RBFOX1: variants seen among roughly 807,000 people sequenced by gnomAD.
RBFOX1 encodes RNA binding fox-1 homolog 1.
RBFOX1 carries 8 observed loss-of-function variants against 57.7 expected under a neutral mutation model. The observed-to-expected ratio is 0.14, with a 90% CI of 0.08 to 0.25. The LOEUF (loss-of-function observed/expected upper bound fraction) is 0.25. Among genes scored for constraint, RBFOX1 ranks in the 10% least tolerant of loss-of-function variants. RBFOX1 has a pLI of 1.00. For missense variants in RBFOX1, 611 were observed against 548.5 expected, an observed-to-expected ratio of 1.11 and a Z score of -1.14; for synonymous variants, 326 against 222.4, an observed-to-expected ratio of 1.47 and a Z score of -4.15.
At chr16:7,240,933 C>G (rs887023839) in intron 4 of RBFOX1, among the ~76,000 whole-genome samples, 1 of 152,170 alleles carries the variant, frequency 6.6e-6, no homozygotes, top group African/African-American at 2.4e-5. Flanking sequence ...AACAGCAGCA[C>G]AAAAAGTTTC....
At chr16:6,972,375 C>T (rs533445913) in intron 3 of RBFOX1, among the ~76,000 whole-genome samples, 3 of 152,198 alleles carry the variant, frequency 2.0e-5, no homozygotes, top group Admixed American at 1.3e-4. Flanking sequence ...GCTTATATCA[C>T]TTAGCATAAT....
At chr16:6,794,521 A>G (rs2083576779) in intron 3 of RBFOX1, among the ~76,000 whole-genome samples, 1 of 152,118 alleles carries the variant, frequency 6.6e-6, no homozygotes, top group South Asian at 2.1e-4. Flanking sequence ...TGGTCATTTT[A>G]TAAGTTCCTA....
intron 3 of RBFOX1, among the ~76,000 whole-genome samples, chr16:5,677,580 A>G (rs140355775): frequency 2.0e-5 from 3 of 152,234 alleles, no homozygotes; most frequent in Admixed American, 1.3e-4. Context: ...TTAAACATTT[A>G]TGAATGAGAC....
intron 1 of RBFOX1, among the ~76,000 whole-genome samples, chr16:6,142,999 A>G (rs1271475671): frequency 1.3e-5 from 2 of 152,154 alleles, no homozygotes; most frequent in African/African-American, 2.4e-5. Context: ...GAGCAAGGTA[A>G]TAGTATTTTT....
At chr16:7,203,699 A>G (rs1241878352) in intron 4 of RBFOX1, among the ~76,000 whole-genome samples, 1 of 152,138 alleles carries the variant, frequency 6.6e-6, no homozygotes, top group Non-Finnish European at 1.5e-5. Flanking sequence ...TTTGGTTAAT[A>G]CATGGTCTCT....
intron 4 of RBFOX1, among the ~76,000 whole-genome samples, chr16:7,134,329 A>T (rs556042673): frequency 1.3e-5 from 2 of 152,314 alleles, no homozygotes; most frequent in South Asian, 2.1e-4. Flanking sequence ...AGACTAAGTG[A>T]TGATACTGCT....
At chr16:6,433,140 T>C (rs1227198238) in intron 2 of RBFOX1, among the ~76,000 whole-genome samples, 2 of 151,914 alleles carry the variant, frequency 1.3e-5, no homozygotes, top group East Asian at 1.9e-4. Flanking sequence ...CAGGTGGGAG[T>C]TGATGCTGCC....
intron 3 of RBFOX1, among the ~76,000 whole-genome samples, chr16:5,776,509 A>G (rs1002068700): frequency 2.6e-5 from 4 of 152,226 alleles, no homozygotes; most frequent in African/African-American, 9.6e-5. Flanking sequence ...GGAAATGGTA[A>G]TAATAATAAG....
At chr16:5,576,871 C>G (rs977999383) in intron 2 of RBFOX1, among the ~76,000 whole-genome samples, 1 of 152,208 alleles carries the variant, frequency 6.6e-6, no homozygotes, top group Non-Finnish European at 1.5e-5. Context: ...TTTTTCAGAT[C>G]TGCTATTGAT....
intron 2 of RBFOX1, among the ~76,000 whole-genome samples, chr16:6,450,777 A>ACATATACATATATATATG (rs1349145162): frequency 5.1e-5 from 2 of 39,532 alleles, no homozygotes; most frequent in Admixed American, 3.3e-4. Context: ...GTATATATAT[A>ACATATACATATATATATG]TATATATATA....
intron 1 of RBFOX1, among the ~76,000 whole-genome samples, chr16:5,400,132 C>T (rs1293049577): frequency 6.6e-6 from 1 of 151,482 alleles, no homozygotes; most frequent in Non-Finnish European, 1.5e-5. Flanking sequence ...CAGAGTCTCG[C>T]TCTGTCACCC....
At chr16:7,385,350 G>C (rs28516721) in intron 4 of RBFOX1, among the ~76,000 whole-genome samples, 73,847 of 151,686 alleles carry the variant, frequency 0.49, 18,188 homozygotes, top group East Asian at 0.57. Flanking sequence ...TTCTGAAATG[G>C]AAGGTGAAGG....
intron 1 of RBFOX1, among the ~76,000 whole-genome samples, chr16:5,268,562 G>A (rs1024107616): frequency 6.6e-6 from 1 of 152,214 alleles, no homozygotes; most frequent in African/African-American, 2.4e-5. Flanking sequence ...CTTCCTCCAC[G>A]ATTGGAGCAG....
chr16:6,797,986 T>A (rs533739740), intron 3 of RBFOX1, among the ~76,000 whole-genome samples: 1 of 152,076 alleles, frequency 6.6e-6, no homozygotes, highest in Non-Finnish European at 1.5e-5. Flanking sequence ...ATAGCGGTGA[T>A]GGTGATGATG....
chr16:5,788,008 T>A (rs2054564340), intron 3 of RBFOX1, among the ~76,000 whole-genome samples: 3 of 152,170 alleles, frequency 2.0e-5, no homozygotes, highest in African/African-American at 7.2e-5. Context: ...GGGCAGGAAA[T>A]GAAGCGACCT....
intron 3 of RBFOX1, among the ~76,000 whole-genome samples, chr16:5,715,581 T>C (rs2151518584): frequency 6.6e-6 from 1 of 152,352 alleles, no homozygotes; most frequent in East Asian, 1.9e-4. Flanking sequence ...TATTGGGACA[T>C]AGAATGATGA....
chr16:6,726,466 C>G (rs1027383445), intron 3 of RBFOX1, among the ~76,000 whole-genome samples: 1 of 151,708 alleles, frequency 6.6e-6, no homozygotes, highest in African/African-American at 2.4e-5. Flanking sequence ...TTAGCTCTTC[C>G]CGTTCCCAAG....
chr16:6,682,954 C>T (rs1199834368), intron 3 of RBFOX1, among the ~76,000 whole-genome samples: 1 of 151,234 alleles, frequency 6.6e-6, no homozygotes, highest in Non-Finnish European at 1.5e-5. Context: ...TCACATCAGG[C>T]CTCATAGGGG....
At chr16:6,924,391 C>T (rs148312829) in intron 3 of RBFOX1, among the ~76,000 whole-genome samples, 1 of 151,836 alleles carries the variant, frequency 6.6e-6, no homozygotes, top group Non-Finnish European at 1.5e-5. Flanking sequence ...GTGCCAGCCT[C>T]CTTTAAACAA....
Sources: allele counts gnomAD v4.1 joint callset (sites outside exome capture counted in the v4.1 genomes callset), GRCh38; gene constraint gnomAD v4.1.1; transcripts MANE v1.5; gene names NCBI Gene and HGNC (gene_info 2026-07-23, HGNC 2026-07-21).